Variants in HJURP observed in about 807,000 individuals in gnomAD.
HJURP encodes Holliday junction recognition protein.
A neutral mutation model predicts 72.0 loss-of-function variants in HJURP; 49 were observed. The observed-to-expected ratio is 0.68, with a 90% CI of 0.54 to 0.86. HJURP has a LOEUF of 0.86. HJURP is among the 40% of genes least tolerant of loss of function. HJURP has a pLI of 0.00. For synonymous variants in HJURP, 357 were observed against 347.1 expected (o/e 1.03, Z -0.32); for missense variants, 908 against 936.3 (o/e 0.97, Z 0.39).
chr2:233,849,462 C>A (rs976350287), intron 4 of HJURP, among the ~76,000 whole-genome samples: 1 of 152,080 alleles, frequency 6.6e-6, no homozygotes. Flanking sequence ...CAACACCACC[C>A]TGTAGGGGCA....
Position 233,837,327 on chromosome 2 carries a change from C to A in HJURP, c.*250G>T, listed in dbSNP as rs572692759. The A allele has an allele frequency of 1.3e-5, 4 of 311,058 alleles. No individual in the cohort carries two copies. The highest frequency in any genetic ancestry group is 5.3e-5 in the Admixed American group (1 of 18,770). The allele number at this position is 311,058 out of a possible 1,614,324, so 19.3% of individuals were successfully genotyped here. ...AAACAAACAAACAAATAACCCCCCC[C>A]CAAAAAAAACACACACATCAGAAAA... On this transcript the variant is annotated 3_prime_UTR_variant, in exon 9 of 9. Coordinates refer to ENST00000411486, the MANE Select transcript of HJURP (RefSeq NM_018410.5).
rs112476197 is a variant in HJURP at position 233,840,133 on chromosome 2, C to T, written c.2171+476G>A. On this transcript the variant is annotated intron_variant, in intron 8 of 8. Coordinates refer to ENST00000411486, the MANE Select transcript of HJURP (RefSeq NM_018410.5). ...ACTGAGATATCTGCAGGGCACCCCTCGCACCTGTGAGAATACTGTGCTCGT... is the reference window on the plus strand; with the variant it reads ...ACTGAGATATCTGCAGGGCACCCCTTGCACCTGTGAGAATACTGTGCTCGT... 7.4e-3 allele frequency among the ~76,000 whole-genome samples: 1,126 copies of T among 152,300 alleles called. 11 individuals carry two copies. Among genetic ancestry groups the T allele is most frequent in the African/African-American group, 0.024 (991 of 41,552 alleles).
intron 6 of HJURP, 75 bp from the exon 7 acceptor site, chr2:233,844,358 T>C (rs1705304864): frequency 1.8e-6 from 2 of 1,088,062 alleles, no homozygotes; most frequent in Non-Finnish European, 2.8e-6. Context: ...GGTTCTCCCC[T>C]GACGATGCGG....
intron 4 of HJURP, 141 bp from the exon 5 acceptor site, chr2:233,847,602 C>T: frequency 1.4e-6 from 1 of 708,346 alleles, no homozygotes; most frequent in African/African-American, 1.7e-5. Context: ...CTGGAGCCAT[C>T]TACGGCTGCC....
Position 233,837,626 on chromosome 2 carries a change from T to C in HJURP, c.2198A>G (p.Glu733Gly). 2 of 1,611,328 alleles carry C rather than the reference T, an allele frequency of 1.2e-6. No homozygotes were observed. The highest frequency in any genetic ancestry group is 1.7e-6 in the Non-Finnish European group (2 of 1,178,276). The change falls in exon 9 of 9, where the codon GAA becomes GGA. Residue 733 changes from glutamate (E) to glycine (G), a missense_variant. Transcript: ENST00000411486. ...TTCTAGCATGAAATCACTTTTCTCT[T>C]CCATCCTGTAAGACGTGTTCTCTCC... Reference protein sequence around the residue: ...ERGENTSYRMEEKSDFMLEKL... With the variant: ...ERGENTSYRMGEKSDFMLEKL...
Position 233,850,063 on chromosome 2 carries a change from G to T in HJURP, c.241-204C>A, listed in dbSNP as rs370913370. ...AGCTGAGGCTCCCCTGGGTTGCAGCGGGGGCTGCTACTTAAAAAGCCACTT... is the reference window on the plus strand; with the variant it reads ...AGCTGAGGCTCCCCTGGGTTGCAGCTGGGGCTGCTACTTAAAAAGCCACTT... On this transcript the variant is annotated intron_variant, in intron 3 of 8. Transcript: ENST00000411486. 2.3e-4 allele frequency among the ~76,000 whole-genome samples: 35 copies of T among 152,306 alleles called. No individual in the cohort carries two copies. The East Asian group carries it at 6.8e-3, about 29-fold the overall frequency.
chr2:233,850,181 A>G (rs570689502), intron 3 of HJURP, among the ~76,000 whole-genome samples: 1 of 152,356 alleles, frequency 6.6e-6, no homozygotes, highest in Non-Finnish European at 1.5e-5. Context: ...TGGGGCAAAC[A>G]AAAAGCCAAA....
intron 7 of HJURP, among the ~76,000 whole-genome samples, chr2:233,843,244 C>T (rs930817449): frequency 7.9e-5 from 12 of 152,102 alleles, no homozygotes; most frequent in African/African-American, 2.7e-4. Context: ...TCCACCCAGG[C>T]GATCCGCATT....
rs754304974 is a variant in HJURP, at chr2:233,854,385, T to A, written c.116A>T (p.Lys39Met). ...CCGGCGGACCGGCGGGGGCCGCACC[T>A]TCTCTATCAGCCGCTGCATGCGCCT... ...FQRRMQRLIEKYNQPFEDTPV... is the reference protein window; with the variant it reads ...FQRRMQRLIEMYNQPFEDTPV... Residue 39 changes from lysine (K) to methionine (M), a missense_variant and splice_region_variant, in exon 1 of 9, where the codon AAG (lysine) becomes ATG (methionine). Lys to Met is a moderately conservative substitution (Grantham distance 95). This residue lies in a region of HJURP where 299 missense variants were observed against 286.7 expected (regional missense o/e 1.04). Coordinates refer to ENST00000411486, the MANE Select transcript of HJURP (RefSeq NM_018410.5). 44 of 1,583,720 alleles carry A rather than the reference T, an allele frequency of 2.8e-5. No homozygotes were observed. The highest frequency in any genetic ancestry group is 3.6e-5 in the Non-Finnish European group (42 of 1,166,714).
chr2:233,838,172 C>T (rs139435379), intron 8 of HJURP, among the ~76,000 whole-genome samples: 76 of 152,212 alleles, frequency 5.0e-4, no homozygotes, highest in African/African-American at 1.7e-3. Context: ...ATCATTTAAG[C>T]GGGAAAAGCA....
rs1705141320 is a variant in HJURP at position 233,838,653 on chromosome 2, A to G, written c.2172-1001T>C. 2.0e-5 allele frequency among the ~76,000 whole-genome samples: 3 copies of G among 152,114 alleles called. No individual in the cohort carries two copies. In the South Asian group the frequency reaches 6.2e-4, roughly 32 times the overall value. ...GCAGAGGAGCTCTGATGTGTGGGAG[A>G]CCAGGAGAAACCTCAGATCTCTCTC... On this transcript the variant is annotated intron_variant, in intron 8 of 8. Coordinates refer to ENST00000411486, the MANE Select transcript of HJURP (RefSeq NM_018410.5).
Position 233,842,224 on chromosome 2 carries a change from A to G in HJURP, c.575-19T>C, listed in dbSNP as rs944595030. The G allele has an allele frequency of 1.3e-6, 2 of 1,580,714 alleles. No homozygotes were observed. The highest frequency in any genetic ancestry group is 1.4e-5 in the African/African-American group (1 of 73,992). ...CAGTATCCTGGGAGAAAAGATACAC[A>G]TAAAGTAAAGGTGTGTTACCATTCT... On this transcript the variant is annotated intron_variant, in intron 7 of 8. Transcript: ENST00000411486.
rs650700 is a variant in HJURP, at chr2:233,846,320, T to C, written c.403-500A>G. Among the ~76,000 whole-genome samples, 90,551 of 151,770 alleles carry C rather than the reference T, an allele frequency of 0.6. 28,056 individuals are homozygous for C. Among genetic ancestry groups the C allele is most frequent in the Middle Eastern group, 0.76 (224 of 294 alleles). The stretch of plus-strand genomic sequence containing the variant: ...TACAAAAATTAGCTGGGCATGGTGG[T>C]GGGCGCCTGTAGTCCCAGCTACTTG... On this transcript the variant is annotated intron_variant, in intron 5 of 8. Coordinates refer to ENST00000411486, the MANE Select transcript of HJURP (RefSeq NM_018410.5). The surrounding 1 kb of genome is among the most constrained non-coding windows in gnomAD (Gnocchi z 4.3).
chr2:233,851,570 T>G (rs1405867632), intron 3 of HJURP, among the ~76,000 whole-genome samples: 4 of 152,070 alleles, frequency 2.6e-5, no homozygotes, highest in Non-Finnish European at 5.9e-5. Context: ...TAAAAAAACA[T>G]GATTTTTTAA....
rs1357226984 is a variant in HJURP at position 233,840,620 on chromosome 2, G to T, written c.2160C>A (p.Asn720Lys). ...PGDQGSSSQP[N>K]SEERGENTSY... ...AGAAACACACCTACCTCTCTTCTGA[G>T]TTGGGCTGTGAAGAGCTGCCCTGGT... The change falls in exon 8 of 9, where the codon AAC (asparagine) becomes AAA (lysine). Residue 720 changes from asparagine (N) to lysine (K), a missense_variant. Physicochemically the swap from Asn to Lys is moderately conservative, Grantham distance 94 (BLOSUM62 0). Transcript: ENST00000411486. The T allele has an allele frequency of 1.9e-5, 30 of 1,595,074 alleles. No homozygotes were observed. The highest frequency in any genetic ancestry group is 7.3e-5 in the Admixed American group (4 of 54,674).
rs1284860624 is a variant in HJURP at position 233,846,356 on chromosome 2, G to A, written c.403-536C>T. Reference sequence around the variant, plus strand: ...AGTCCCAGCTACTTGGGAGGCTGAGGCAGGAGAATCGCTTGAACCCAGGAA... The same window carrying A: ...AGTCCCAGCTACTTGGGAGGCTGAGACAGGAGAATCGCTTGAACCCAGGAA... On this transcript the variant is annotated intron_variant, in intron 5 of 8. Transcript: ENST00000411486. This position sits in a 1 kb window ranked among gnomAD's most constrained non-coding sequence, Gnocchi z 4.3. 1.3e-5 allele frequency among the ~76,000 whole-genome samples: 2 copies of A among 152,184 alleles called. No individual in the cohort carries two copies. The highest frequency in any genetic ancestry group is 4.8e-5 in the African/African-American group (2 of 41,436).
chr2:233,852,982 A>G (rs1705531940), intron 2 of HJURP, among the ~76,000 whole-genome samples: 1 of 152,208 alleles, frequency 6.6e-6, no homozygotes, highest in Non-Finnish European at 1.5e-5. Context: ...TCTACATCCC[A>G]TATACTGAAT....
At chr2:233,854,056 G>A in intron 1 of HJURP, 146 bp from the exon 2 acceptor site, 2 of 669,782 alleles carry the variant, frequency 3.0e-6, no homozygotes, top group South Asian at 1.8e-5. Context: ...CCCCAACTCC[G>A]CCTCTCTCGT....
chr2:233,840,134 G>A (rs1055203239), intron 8 of HJURP, among the ~76,000 whole-genome samples: 29 of 151,930 alleles, frequency 1.9e-4, no homozygotes, highest in African/African-American at 6.5e-4. Flanking sequence ...GGCACCCCTC[G>A]CACCTGTGAG....
Sources: allele counts gnomAD v4.1 joint callset (sites outside exome capture counted in the v4.1 genomes callset), GRCh38; gene constraint gnomAD v4.1.1; regional missense constraint gnomAD v4.1.1; non-coding constraint Gnocchi (gnomAD v3.1); transcripts MANE v1.5; gene names NCBI Gene and HGNC (gene_info 2026-07-23, HGNC 2026-07-21).